Variants in ZNFX1 observed in about 807,000 individuals in gnomAD.
ZNFX1 encodes NFX1-type zinc finger-containing protein 1.
In ZNFX1, 78 loss-of-function variants were observed where a neutral mutation model predicts 179.8. That is an observed-to-expected ratio of 0.43 (90% CI 0.36 to 0.52). ZNFX1 has a LOEUF of 0.52. Among genes scored for constraint, ZNFX1 ranks in the 20% least tolerant of loss-of-function variants. The probability of loss-of-function intolerance (pLI) is 0.00; values close to 1 mark genes in which losing one functional copy is unlikely to be tolerated. For synonymous variants in ZNFX1, 848 were observed against 868.5 expected (o/e 0.98, Z 0.42); for missense variants, 1,927 against 2,386.6 (o/e 0.81, Z 4.01).
At chr20:49,263,311 G>T in intron 6 of ZNFX1, 23 bp downstream of exon 6, 1 of 1,610,052 alleles carries the variant, frequency 6.2e-7, no homozygotes, top group Non-Finnish European at 8.5e-7. Flanking sequence ...AGACATATTT[G>T]TGTCCCCCAG....
At chr20:49,258,322 C>T (rs1443174835) in intron 7 of ZNFX1, among the ~76,000 whole-genome samples, 10 of 150,590 alleles carry the variant, frequency 6.6e-5, no homozygotes, top group African/African-American at 1.5e-4. Context: ...CTCGAACTCC[C>T]GACCTCAGGC....
chr20:49,267,284 C>A (rs779821384), intron 3 of ZNFX1, among the ~76,000 whole-genome samples: 6 of 152,090 alleles, frequency 3.9e-5, no homozygotes, highest in Non-Finnish European at 8.8e-5. Flanking sequence ...ATAAGATAAT[C>A]AAAGATTTCA....
intron 8 of ZNFX1, 127 bp downstream of exon 8, chr20:49,257,290 G>A: frequency 7.5e-7 from 1 of 1,328,078 alleles, no homozygotes; most frequent in Admixed American, 2.4e-5. Flanking sequence ...TCTCATACCA[G>A]GGGTAGGCTG....
intron 3 of ZNFX1, among the ~76,000 whole-genome samples, chr20:49,267,236 C>G (rs1365346213): frequency 6.6e-6 from 1 of 152,160 alleles, no homozygotes; most frequent in Non-Finnish European, 1.5e-5. Flanking sequence ...AAGGTAGACA[C>G]TGTCCTCAAA....
intron 8 of ZNFX1, 179 bp from the exon 9 acceptor site, chr20:49,256,126 A>T: frequency 1.3e-6 from 1 of 759,340 alleles, no homozygotes; most frequent in East Asian, 2.8e-5. Context: ...CTCTGGAGCC[A>T]GTTTGCCTGG....
intron 3 of ZNFX1, among the ~76,000 whole-genome samples, chr20:49,268,185 T>TG (rs1482532629): frequency 5.3e-5 from 8 of 152,292 alleles, no homozygotes; most frequent in Admixed American, 3.9e-4. Flanking sequence ...AACTGTATAA[T>TG]GGTTTTAGTA....
rs757828431 is a variant in ZNFX1 at position 49,249,018 on chromosome 20, C to A, written c.4006G>T (p.Val1336Phe). ...ICQEGHRCPL[V>F]CFQECQPCQV... ...CAAGGCTGACACTCCTGGAAGCAAACAAGGGGACACCGGTGCCCTTCCTGA... is the reference window on the plus strand; with the variant it reads ...CAAGGCTGACACTCCTGGAAGCAAAAAAGGGGACACCGGTGCCCTTCCTGA... The change falls in exon 14 of 14, where the codon GTT becomes TTT. Residue 1336 changes from valine (V) to phenylalanine (F), a missense_variant. Coordinates refer to ENST00000396105, the MANE Select transcript of ZNFX1 (RefSeq NM_021035.3). 2 of 1,614,118 alleles carry A rather than the reference C, an allele frequency of 1.2e-6. No individual in the cohort carries two copies. The highest frequency in any genetic ancestry group is 1.7e-6 in the Non-Finnish European group (2 of 1,180,048).
intron 1 of ZNFX1, among the ~76,000 whole-genome samples, chr20:49,276,570 A>G (rs1042492556): frequency 2.6e-5 from 4 of 152,092 alleles, no homozygotes; most frequent in Non-Finnish European, 5.9e-5. Flanking sequence ...TCATTCTTCT[A>G]CCTTGGTGAT....
In ZNFX1 at chr20:49,247,122, C is replaced by T. The variant is rs990001969; in HGVS notation, c.*145G>A. 3 of 1,144,316 alleles carry T rather than the reference C, an allele frequency of 2.6e-6. No individual in the cohort carries two copies. In the African/African-American group the frequency reaches 4.7e-5, roughly 18 times the overall value. The allele number at this position is 1,144,316 out of a possible 1,614,324, so 70.9% of individuals were successfully genotyped here. On this transcript the variant is annotated 3_prime_UTR_variant, in exon 14 of 14. Transcript: ENST00000396105. ...GACCTCGTGATCCGCCTGCCTCGGC[C>T]TCCCAAAGTGCTGGGATTACAGGCG...
intron 3 of ZNFX1, among the ~76,000 whole-genome samples, chr20:49,266,493 A>G (rs1673786164): frequency 6.6e-6 from 1 of 152,188 alleles, no homozygotes; most frequent in Admixed American, 6.5e-5. Context: ...CAGAGACAGT[A>G]TATCCACGCA....
At chr20:49,264,969 A>G in intron 4 of ZNFX1, 105 bp from the exon 5 acceptor site, 1 of 1,501,806 alleles carries the variant, frequency 6.7e-7, no homozygotes, top group South Asian at 1.2e-5. Flanking sequence ...CTTAGAGAAT[A>G]AACTTGTGCT....
Position 49,270,157 on chromosome 20 carries a change from C to T in ZNFX1, c.1655G>A (p.Gly552Glu), listed in dbSNP as rs764917083. 3 of 1,614,086 alleles carry T rather than the reference C, an allele frequency of 1.9e-6. No individual in the cohort carries two copies. Among genetic ancestry groups the T allele is most frequent in the East Asian group, 2.2e-5 (1 of 44,886 alleles). The change falls in exon 3 of 14, where the codon GGG (glycine) becomes GAG (glutamate). Residue 552 changes from glycine to glutamate, a missense_variant. Physicochemically the swap from Gly to Glu is moderately conservative, Grantham distance 98 (BLOSUM62 -2). Transcript: ENST00000396105. The surrounding 1 kb of genome is among the most constrained non-coding windows in gnomAD (Gnocchi z 4.6). Reference sequence around the variant, plus strand: ...TAAGGGGGTAAAGTCGTATCTGCCCCCCATTAGCAAGTACCTTGGCTCCTT... The same window carrying T: ...TAAGGGGGTAAAGTCGTATCTGCCCTCCATTAGCAAGTACCTTGGCTCCTT... ...HVKEPRYLLM[G>E]GRYDFTPLIE...
chr20:49,271,664 G>T lies in ZNFX1; in HGVS notation c.148C>A (p.Pro50Thr). The change falls in exon 3 of 14, where the codon CCT (proline) becomes ACT (threonine). Residue 50 changes from proline (P) to threonine (T), a missense_variant. Coordinates refer to ENST00000396105, the MANE Select transcript of ZNFX1 (RefSeq NM_021035.3). Reference sequence around the variant, plus strand: ...TTGTTGGCCCTAGGATGCCTTCCAGGGTGGCTGGCTCCTCCTCGGAGAGCA... The same window carrying T: ...TTGTTGGCCCTAGGATGCCTTCCAGTGTGGCTGGCTCCTCCTCGGAGAGCA... ...ANALRGGASHPGRHPRANNHP... is the reference protein window; with the variant it reads ...ANALRGGASHTGRHPRANNHP... 1 of 1,613,806 alleles carries T rather than the reference G, an allele frequency of 6.2e-7. No homozygotes were observed. Among genetic ancestry groups the T allele is most frequent in the Non-Finnish European group, 8.5e-7 (1 of 1,179,982 alleles).
In ZNFX1 at chr20:49,248,744, A is replaced by G. The variant is rs1434173201; in HGVS notation, c.4280T>C (p.Leu1427Pro). Residue 1427 changes from leucine (L) to proline (P), a missense_variant, in exon 14 of 14, where the codon CTG becomes CCG. Transcript: ENST00000396105. This position sits in a 1 kb window ranked among gnomAD's most constrained non-coding sequence, Gnocchi z 4.6. ...ACACTTTGTGGTACACTTGACTAGC[A>G]GACCACCATACAGGAGGCCTTCCAC... ...GHVEGLLYGGLLVKCTTKCGT... is the reference protein window; with the variant it reads ...GHVEGLLYGGPLVKCTTKCGT... 6.2e-7 allele frequency: 1 copy of G among 1,613,620 alleles called. No homozygotes were observed. The highest frequency in any genetic ancestry group is 1.1e-5 in the South Asian group (1 of 91,092).
chr20:49,249,862 T>C (rs957468202), intron 13 of ZNFX1, 151 bp from the exon 14 acceptor site: 13 of 744,704 alleles, frequency 1.7e-5, no homozygotes, highest in Non-Finnish European at 2.6e-5. Flanking sequence ...TTTAGTTCTT[T>C]AGTTAGTCAT....
At chr20:49,267,381 G>T (rs1034928200) in intron 3 of ZNFX1, among the ~76,000 whole-genome samples, 1 of 151,762 alleles carries the variant, frequency 6.6e-6, no homozygotes, top group Non-Finnish European at 1.5e-5. Flanking sequence ...GTGTACTGCA[G>T]CCTGAACACC....
chr20:49,276,638 C>T (rs1981567241), intron 1 of ZNFX1, among the ~76,000 whole-genome samples: 2 of 152,208 alleles, frequency 1.3e-5, no homozygotes, highest in African/African-American at 2.4e-5. Flanking sequence ...CTTCTCAACC[C>T]AACTCATACA....
intron 3 of ZNFX1, among the ~76,000 whole-genome samples, chr20:49,266,738 G>A (rs1279822400): frequency 8.1e-6 from 1 of 123,034 alleles, no homozygotes. Context: ...TGTATATATT[G>A]TTTCCAATCT....
At chr20:49,259,012 G>A (rs1981049117) in intron 7 of ZNFX1, among the ~76,000 whole-genome samples, 1 of 151,144 alleles carries the variant, frequency 6.6e-6, no homozygotes, top group Non-Finnish European at 1.5e-5. Context: ...TGAGGCAGGA[G>A]AATTGCTCGA....
Sources: allele counts gnomAD v4.1 joint callset (sites outside exome capture counted in the v4.1 genomes callset), GRCh38; gene constraint gnomAD v4.1.1; non-coding constraint Gnocchi (gnomAD v3.1); transcripts MANE v1.5; gene names NCBI Gene and HGNC (gene_info 2026-07-23, HGNC 2026-07-21).